ATP6V0A2: variants seen among roughly 807,000 people sequenced by gnomAD.
ATP6V0A2 encodes V-type proton ATPase 116 kDa subunit a 2.
Under a neutral mutation model 104.4 loss-of-function variants are expected in ATP6V0A2, and 58 were observed. That is an observed-to-expected ratio of 0.56 (90% CI 0.45 to 0.69). The LOEUF (loss-of-function observed/expected upper bound fraction) is 0.69, where lower values mean the gene tolerates loss of function less well. Ranked by LOEUF, ATP6V0A2 falls within the 30% of genes least tolerant of loss-of-function variation. ATP6V0A2 has a pLI of 0.00. For synonymous variants in ATP6V0A2, 376 were observed against 397.9 expected (o/e 0.95, Z 0.65); for missense variants, 938 against 1,062.9 (o/e 0.88, Z 1.63).
chr12:123,734,582 G>A (rs969401761), intron 7 of ATP6V0A2, among the ~76,000 whole-genome samples: 1 of 152,140 alleles, frequency 6.6e-6, no homozygotes, highest in Admixed American at 6.5e-5. Flanking sequence ...ACATCAGTTC[G>A]GCATAAGCCA....
intron 1 of ATP6V0A2, among the ~76,000 whole-genome samples, chr12:123,716,546 T>G: frequency 6.6e-6 from 1 of 152,170 alleles, no homozygotes. Context: ...ATCCCGGCAC[T>G]TTGGGAGGCT....
At chr12:123,742,287 GC>G (rs373589866) in intron 9 of ATP6V0A2, among the ~76,000 whole-genome samples, 40 of 152,320 alleles carry the variant, frequency 2.6e-4, no homozygotes, top group African/African-American at 8.9e-4. Context: ...GTTGGCCCAG[GC>G]CCCTTGGAGG....
At chr12:123,738,394 CAAAA>C (rs1054215012) in intron 9 of ATP6V0A2, among the ~76,000 whole-genome samples, 1 of 127,212 alleles carries the variant, frequency 7.9e-6, no homozygotes, top group African/African-American at 2.9e-5. Context: ...AACTTTGTCT[CAAAA>C]AAAAAAAAAA....
chr12:123,753,740 G>C (rs544722136), intron 17 of ATP6V0A2, among the ~76,000 whole-genome samples: 21 of 152,388 alleles, frequency 1.4e-4, no homozygotes, highest in Admixed American at 2.6e-4. Flanking sequence ...CAGGAAGACA[G>C]CAGAGCATGG....
intron 18 of ATP6V0A2, 25 bp from the exon 19 acceptor site, chr12:123,756,790 C>T: frequency 6.2e-7 from 1 of 1,612,950 alleles, no homozygotes. Context: ...CGAGCATGAC[C>T]TGTGCAGGCT....
chr12:123,747,751 A>G lies in ATP6V0A2; in HGVS notation c.1724+26A>G, dbSNP rs747499728. On this transcript the variant is annotated intron_variant, in intron 14 of 19. Coordinates refer to ENST00000330342, the MANE Select transcript of ATP6V0A2 (RefSeq NM_012463.4). ...GTAAGTACAGATTTTTTTTTAAGCA[A>G]TATTTATAAACCAAACTTGGCATTT... 4 of 1,471,212 alleles carry G rather than the reference A, an allele frequency of 2.7e-6. No homozygotes were observed. In the East Asian group the frequency reaches 6.8e-5, roughly 25 times the overall value. The allele number at this position is 1,471,212 out of a possible 1,614,324, so 91.1% of individuals were successfully genotyped here.
intron 1 of ATP6V0A2, among the ~76,000 whole-genome samples, chr12:123,713,355 T>C (rs1956310247): frequency 6.6e-6 from 1 of 152,050 alleles, no homozygotes; most frequent in Admixed American, 6.6e-5. Context: ...ACTTAAGAAC[T>C]CAGTCATTGT....
chr12:123,751,007 G>A (rs966125470), intron 15 of ATP6V0A2, 103 bp from the exon 16 acceptor site: 23 of 1,489,832 alleles, frequency 1.5e-5, no homozygotes, highest in Non-Finnish European at 2.0e-5. Context: ...AATGTTCCTC[G>A]CGTGGAGACA....
chr12:123,757,972 T>C lies in ATP6V0A2; in HGVS notation c.2511T>C (p.Phe837=). The C allele has an allele frequency of 6.2e-7, 1 of 1,613,070 alleles. No individual in the cohort carries two copies. The highest frequency in any genetic ancestry group is 8.5e-7 in the Non-Finnish European group (1 of 1,179,844). ...NKFYVGAGTK[F]VPFSFSLLSS... is the part of the protein sequence containing the mutation. Reference sequence around the variant, plus strand: ...TCTACGTTGGTGCAGGCACCAAATTTGTTCCTTTCTCATTCAGTCTACTTT... The same window carrying C: ...TCTACGTTGGTGCAGGCACCAAATTCGTTCCTTTCTCATTCAGTCTACTTT... Residue 837 remains phenylalanine, a synonymous_variant, in exon 20 of 20, where the codon TTT becomes TTC. Transcript: ENST00000330342.
At position 123,712,637 on chromosome 12, in the gene ATP6V0A2, G is replaced by T. The variant is rs933276879; in HGVS notation, c.72G>T (p.Glu24Asp). Residue 24 changes from glutamate (E) to aspartate (D), a missense_variant, in exon 1 of 20, where the codon GAG becomes GAT. Physicochemically the swap from Glu to Asp is conservative, Grantham distance 45 (BLOSUM62 2). Transcript: ENST00000330342. ...QLFLQSGTAY[E>D]CLSALGEKGL... is the part of the protein sequence containing the mutation. ...TCCTGCAGTCGGGCACGGCCTACGA[G>T]TGCCTCAGCGCCCTGGGCGAGAAAG... is the stretch of plus-strand genomic sequence containing the variant. 1 of 1,608,904 alleles carries T rather than the reference G, an allele frequency of 6.2e-7. No individual in the cohort carries two copies. The highest frequency in any genetic ancestry group is 8.5e-7 in the Non-Finnish European group (1 of 1,178,444).
intron 6 of ATP6V0A2, 37 bp downstream of exon 6, chr12:123,727,946 G>GA: frequency 6.2e-7 from 1 of 1,613,924 alleles, no homozygotes; most frequent in Non-Finnish European, 8.5e-7. Flanking sequence ...AGCAATGACG[G>GA]ACTAACAGCA....
At chr12:123,750,707 C>A in intron 15 of ATP6V0A2, 1 of 227,956 alleles carries the variant, frequency 4.4e-6, no homozygotes, top group South Asian at 6.3e-5. Flanking sequence ...CTTGCTGATT[C>A]ACACTCATAG....
At chr12:123,726,049 A>G in intron 4 of ATP6V0A2, 148 bp from the exon 5 acceptor site, 1 of 653,430 alleles carries the variant, frequency 1.5e-6, no homozygotes, top group Non-Finnish European at 2.8e-6. Flanking sequence ...ATGAGGATTG[A>G]GTTATAAATC....
At chr12:123,750,187 GAGT>G (rs1245319041) in intron 15 of ATP6V0A2, 1 of 152,248 alleles carries the variant, frequency 6.6e-6, no homozygotes. Flanking sequence ...GCATACCTGA[GAGT>G]GTGCTTTCCT....
At chr12:123,738,394 C>CAAAAAA (rs1054215012) in intron 9 of ATP6V0A2, among the ~76,000 whole-genome samples, 2 of 127,218 alleles carry the variant, frequency 1.6e-5, no homozygotes, top group East Asian at 4.5e-4. Flanking sequence ...AACTTTGTCT[C>CAAAAAA]AAAAAAAAAA....
intron 3 of ATP6V0A2, 52 bp downstream of exon 3, chr12:123,722,500 T>C (rs1457972136): frequency 9.8e-7 from 1 of 1,020,942 alleles, no homozygotes; most frequent in South Asian, 1.3e-5. Context: ...GGGGGCTGCT[T>C]ACTTACTTAT....
In ATP6V0A2 at chr12:123,744,113, C is replaced by T. The variant is rs1245486711; in HGVS notation, c.1190-88C>T. 9.5e-6 allele frequency: 15 copies of T among 1,575,772 alleles called. No homozygotes were observed. The highest frequency in any genetic ancestry group is 1.7e-5 in the Admixed American group (1 of 59,902). On this transcript the variant is annotated intron_variant, in intron 10 of 19. Transcript: ENST00000330342. This position sits in a 1 kb window ranked among gnomAD's most constrained non-coding sequence, Gnocchi z 5.4. Reference sequence around the variant, plus strand: ...CTATCTTGTGAATTCTGGAGAAAGTCAAGATTGTTATGTATCATTGTGTTT... The same window carrying T: ...CTATCTTGTGAATTCTGGAGAAAGTTAAGATTGTTATGTATCATTGTGTTT...
chr12:123,758,079 A>G lies in ATP6V0A2; in HGVS notation c.*47A>G, dbSNP rs970230694. On this transcript the variant is annotated 3_prime_UTR_variant, in exon 20 of 20. Coordinates refer to ENST00000330342, the MANE Select transcript of ATP6V0A2 (RefSeq NM_012463.4). ...GCTTTCAGATTTATGGAGAATGACC[A>G]TGTTATAGACTTTCACTTATGTCAG... is the stretch of plus-strand genomic sequence containing the variant. 2 of 1,330,432 alleles carry G rather than the reference A, an allele frequency of 1.5e-6. No individual in the cohort carries two copies. Among genetic ancestry groups the G allele is most frequent in the African/African-American group, 2.9e-5 (2 of 69,576 alleles). 82.4% of individuals were successfully genotyped at this position (1,330,432 alleles called of 1,614,324 possible). A position where few individuals can be genotyped will look rare whatever the true frequency, so the allele number is the denominator to read the frequency against.
intron 9 of ATP6V0A2, among the ~76,000 whole-genome samples, chr12:123,741,701 T>C (rs1956610966): frequency 6.6e-6 from 1 of 152,162 alleles, no homozygotes; most frequent in Non-Finnish European, 1.5e-5. Context: ...TGGGCTTAAG[T>C]GACCCTCCTG....
Sources: gnomAD v4.1 joint callset for allele counts (sites outside exome capture counted in the v4.1 genomes callset) on GRCh38, gnomAD v4.1.1 for gene constraint, Gnocchi (gnomAD v3.1) non-coding constraint, MANE v1.5 for transcripts, NCBI Gene and HGNC (gene_info 2026-07-23, HGNC 2026-07-21) for gene names.